Variants in DDX21 observed in about 807,000 individuals in gnomAD.
DDX21 encodes the protein nucleolar RNA helicase 2.
DDX21 carries 18 observed loss-of-function variants against 90.0 expected under a neutral mutation model. The ratio of observed to expected loss-of-function variants is 0.20; its 90% CI spans 0.14 to 0.30. DDX21 has a LOEUF of 0.30. DDX21 is among the 10% of genes least tolerant of loss of function. DDX21 has a pLI of 1.00. For missense variants in DDX21, 673 were observed against 944.5 expected (o/e 0.71, Z 3.77); for synonymous variants, 294 against 318.0 (o/e 0.92, Z 0.80).
Position 68,982,624 on chromosome 10 carries a change from G to C in DDX21, c.2164G>C (p.Gly722Arg), listed in dbSNP as rs1564631248. 1.2e-6 allele frequency: 2 copies of C among 1,613,964 alleles called. No individual in the cohort carries two copies. Among genetic ancestry groups the C allele is most frequent in the African/African-American group, 2.7e-5 (2 of 74,890 alleles). ...PELEGPREGY[G>R]GFRGQREGSR... ...ACTGGAAGGACCACGGGAAGGATATGGAGGCTTCAGGGGACAGCGGGAAGG... is the reference window on the plus strand; with the variant it reads ...ACTGGAAGGACCACGGGAAGGATATCGAGGCTTCAGGGGACAGCGGGAAGG... Residue 722 changes from glycine to arginine, a missense_variant, in exon 15 of 15, where the codon GGA (glycine) becomes CGA (arginine). Physicochemically the swap from Gly to Arg is moderately radical, Grantham distance 125. Transcript: ENST00000354185.
intron 1 of DDX21, among the ~76,000 whole-genome samples, chr10:68,957,346 A>G (rs1048281534): frequency 6.6e-6 from 1 of 152,176 alleles, no homozygotes; most frequent in African/African-American, 2.4e-5. Context: ...TTTAACCTTG[A>G]TAGCTGACCG....
chr10:68,963,620 C>T, intron 4 of DDX21, 151 bp downstream of exon 4: 2 of 558,788 alleles, frequency 3.6e-6, no homozygotes, highest in Non-Finnish European at 5.9e-6. Context: ...CAGGACAATT[C>T]TTTTATATTT....
intron 10 of DDX21, 32 bp from the exon 11 acceptor site, chr10:68,974,638 T>C: frequency 6.3e-7 from 1 of 1,584,822 alleles, no homozygotes; most frequent in South Asian, 1.1e-5. Flanking sequence ...TGATGGCCAC[T>C]GTACATTAAA....
In DDX21 at chr10:68,978,884, A is replaced by G. The variant is rs1843145698; in HGVS notation, c.1945A>G (p.Asn649Asp). 6.2e-7 allele frequency: 1 copy of G among 1,614,022 alleles called. No homozygotes were observed. Among genetic ancestry groups the G allele is most frequent in the Admixed American group, 1.7e-5 (1 of 59,998 alleles). The change falls in exon 13 of 15, where the codon AAT (asparagine) becomes GAT (aspartate). Residue 649 changes from asparagine to aspartate, a missense_variant. Physicochemically the swap from Asn to Asp is conservative, Grantham distance 23. Around this residue, in one of 4 missense-constraint regions of DDX21, gnomAD observed 225 missense variants for 298.8 expected, o/e 0.75. Coordinates refer to ENST00000354185, the MANE Select transcript of DDX21 (RefSeq NM_004728.4). ...MILQCSIEMP[N>D]ISYAWKELKE... ...CTTGCAGTGCTCAATTGAAATGCCA[A>G]ATATTAGTTATGCTTGGAAAGAACT...
intron 11 of DDX21, among the ~76,000 whole-genome samples, chr10:68,975,070 C>T (rs1265929057): frequency 2.0e-5 from 3 of 152,152 alleles, no homozygotes; most frequent in East Asian, 1.9e-4. Flanking sequence ...CCTGTCCTAT[C>T]CTGTTTACCA....
chr10:68,959,120 T>C (rs1171969568), intron 1 of DDX21, among the ~76,000 whole-genome samples: 2 of 152,208 alleles, frequency 1.3e-5, no homozygotes, highest in Non-Finnish European at 2.9e-5. Context: ...CCTTATTCTA[T>C]TGGAATTGAA....
chr10:68,970,158 G>A, intron 7 of DDX21, 43 bp from the exon 8 acceptor site: 1 of 1,565,702 alleles, frequency 6.4e-7, no homozygotes, highest in South Asian at 1.2e-5. Flanking sequence ...TTAGTTTCCA[G>A]CAAAGCTTTA....
At chr10:68,966,960 C>A in intron 5 of DDX21, 58 bp from the exon 6 acceptor site, 1 of 1,470,620 alleles carries the variant, frequency 6.8e-7, no homozygotes, top group Non-Finnish European at 9.4e-7. Flanking sequence ...CTGTGGTACC[C>A]CACACAGATA....
intron 4 of DDX21, among the ~76,000 whole-genome samples, chr10:68,964,310 C>T (rs971425348): frequency 6.6e-6 from 1 of 152,138 alleles, no homozygotes; most frequent in Non-Finnish European, 1.5e-5. Context: ...GGCCTAACCT[C>T]ACTTGCTCAC....
chr10:68,982,641 G>A lies in DDX21; in HGVS notation c.2181G>A (p.Gln727=). 6.2e-7 allele frequency: 1 copy of A among 1,613,334 alleles called. No homozygotes were observed. Among genetic ancestry groups the A allele is most frequent in the Non-Finnish European group, 8.5e-7 (1 of 1,179,698 alleles). The part of the protein sequence containing the change: ...PREGYGGFRG[Q]REGSRGFRGQ... ...AAGGATATGGAGGCTTCAGGGGACAGCGGGAAGGCAGTCGAGGCTTCAGGG... is the reference window on the plus strand; with the variant it reads ...AAGGATATGGAGGCTTCAGGGGACAACGGGAAGGCAGTCGAGGCTTCAGGG... Residue 727 remains glutamine, a synonymous_variant, in exon 15 of 15, where the codon CAG becomes CAA. Transcript: ENST00000354185.
rs754031975 is a variant in DDX21 at position 68,982,764 on chromosome 10, C to G, written c.2304C>G (p.Ser768=). The G allele has an allele frequency of 6.2e-7, 1 of 1,613,974 alleles. No homozygotes were observed. Among genetic ancestry groups the G allele is most frequent in the Non-Finnish European group, 8.5e-7 (1 of 1,179,990 alleles). Residue 768 remains serine (S), a synonymous_variant, in exon 15 of 15, where the codon TCC becomes TCG. Transcript: ENST00000354185. ...RSGGGNKSNR[S]QNKGQKRSFS... ...GAGGTGGCAACAAAAGTAACAGATC[C>G]CAAAACAAAGGCCAGAAGCGGAGTT... is the stretch of plus-strand genomic sequence containing the variant.
intron 2 of DDX21, 23 bp downstream of exon 2, chr10:68,960,272 A>G (rs765740676): frequency 1.9e-6 from 3 of 1,564,868 alleles, no homozygotes; most frequent in South Asian, 1.2e-5. Flanking sequence ...TTCATTGGGT[A>G]GAAGATATCT....
At chr10:68,959,166 T>C (rs576860567) in intron 1 of DDX21, among the ~76,000 whole-genome samples, 7 of 152,306 alleles carry the variant, frequency 4.6e-5, no homozygotes, top group African/African-American at 7.2e-5. Context: ...TGGAGCCTGT[T>C]GGAGTATCCC....
chr10:68,958,848 T>G (rs906441979), intron 1 of DDX21, among the ~76,000 whole-genome samples: 8 of 152,194 alleles, frequency 5.3e-5, no homozygotes, highest in African/African-American at 1.9e-4. Context: ...GTGCTGAGAT[T>G]ACAGGCATGA....
intron 13 of DDX21, 51 bp downstream of exon 13, chr10:68,979,027 A>T: frequency 6.2e-7 from 1 of 1,609,284 alleles, no homozygotes; most frequent in Non-Finnish European, 8.5e-7. Flanking sequence ...TGTGGGCAGG[A>T]AAACAGTGTG....
rs758978836 is a variant in DDX21, at chr10:68,963,294, G to A, written c.611G>A (p.Arg204Gln). 5 of 1,609,466 alleles carry A rather than the reference G, an allele frequency of 3.1e-6. No individual in the cohort carries two copies. The highest frequency in any genetic ancestry group is 1.1e-5 in the South Asian group (1 of 90,434). Residue 204 changes from arginine to glutamine, a missense_variant, in exon 4 of 15, where the codon CGA becomes CAA. Coordinates refer to ENST00000354185, the MANE Select transcript of DDX21 (RefSeq NM_004728.4). ...AACACAGTTAATTTGTTCATAGGCCGAGGAGTGACCTTCCTATTTCCTATA... is the reference window on the plus strand; with the variant it reads ...AACACAGTTAATTTGTTCATAGGCCAAGGAGTGACCTTCCTATTTCCTATA... ...SEETIKLLKG[R>Q]GVTFLFPIQA...
intron 2 of DDX21, 140 bp from the exon 3 acceptor site, chr10:68,961,941 TG>T: frequency 1.7e-6 from 1 of 582,942 alleles, no homozygotes; most frequent in East Asian, 2.9e-5. Context: ...TCAAGGTTTT[TG>T]TATCTTTTTG....
At chr10:68,974,780 T>G (rs779573822) in intron 11 of DDX21, 37 bp downstream of exon 11, 4 of 1,558,868 alleles carry the variant, frequency 2.6e-6, no homozygotes, top group Non-Finnish European at 1.8e-6. Context: ...TGTTTTAGTG[T>G]TGGTTCAAAT....
chr10:68,976,413 G>A (rs1201013028), intron 11 of DDX21, among the ~76,000 whole-genome samples: 2 of 151,492 alleles, frequency 1.3e-5, no homozygotes, highest in East Asian at 2.0e-4. Context: ...TCAGCCTTCC[G>A]AGTAGCTGGG....
Sources: allele counts gnomAD v4.1 joint callset (sites outside exome capture counted in the v4.1 genomes callset), GRCh38; gene constraint gnomAD v4.1.1; regional missense constraint gnomAD v4.1.1; transcripts MANE v1.5; gene names NCBI Gene and HGNC (gene_info 2026-07-23, HGNC 2026-07-21).